GALNT13: variants seen among roughly 807,000 people sequenced by gnomAD.
GALNT13 encodes the protein UDP-GalNAc:polypeptide N-acetylgalactosaminyltransferase 13.
Under a neutral mutation model 64.2 loss-of-function variants are expected in GALNT13, and 28 were observed. The observed-to-expected ratio is 0.44, with a 90% CI of 0.32 to 0.60. GALNT13 has a LOEUF of 0.60. Ranked by LOEUF, GALNT13 falls within the 20% of genes least tolerant of loss-of-function variation. The probability of loss-of-function intolerance (pLI) is 0.05; values close to 1 mark genes in which losing one functional copy is unlikely to be tolerated. For synonymous variants in GALNT13, 214 were observed against 224.6 expected (o/e 0.95, Z 0.42); for missense variants, 577 against 669.8 (o/e 0.86, Z 1.53).
chr2:153,269,766 A>G, the GALNT13 span, among the ~76,000 whole-genome samples: 3 of 152,176 alleles, frequency 2.0e-5, no homozygotes, highest in Non-Finnish European at 4.4e-5. Context: ...GCCTGAGGAA[A>G]CTTAAAATCA....
At chr2:154,035,076 A>G (rs1038239127) in intron 3 of GALNT13, among the ~76,000 whole-genome samples, 1 of 152,144 alleles carries the variant, frequency 6.6e-6, no homozygotes, top group African/African-American at 2.4e-5. Flanking sequence ...TCACTTGTAT[A>G]TTTATCACAG....
the GALNT13 span, among the ~76,000 whole-genome samples, chr2:153,789,983 C>T: frequency 6.6e-6 from 1 of 152,138 alleles, no homozygotes; most frequent in Admixed American, 6.6e-5. Context: ...GGCAGATTCA[C>T]AGCCAACTTC....
the GALNT13 span, among the ~76,000 whole-genome samples, chr2:153,842,497 CAAA>C: frequency 6.6e-6 from 1 of 152,070 alleles, no homozygotes; most frequent in East Asian, 1.9e-4. Flanking sequence ...CAGTCTCTTA[CAAA>C]AGACTAAAAA....
At chr2:153,260,730 A>T in the GALNT13 span, among the ~76,000 whole-genome samples, 1 of 152,078 alleles carries the variant, frequency 6.6e-6, no homozygotes, top group South Asian at 2.1e-4. Context: ...GAATATTGAT[A>T]TCTGTCTCTA....
the GALNT13 span, among the ~76,000 whole-genome samples, chr2:153,213,630 A>G: frequency 6.6e-6 from 1 of 152,186 alleles, no homozygotes; most frequent in Non-Finnish European, 1.5e-5. Flanking sequence ...TATATTGGAA[A>G]GAGCTTCTTT....
At chr2:153,820,925 G>A in the GALNT13 span, among the ~76,000 whole-genome samples, 619 of 151,962 alleles carry the variant, frequency 4.1e-3, 8 homozygotes, top group East Asian at 0.04. Context: ...GTAGTAGTCA[G>A]ATAAAAAAAC....
At position 154,147,112 on chromosome 2, in the gene GALNT13, A is replaced by G. The variant is rs1362580733; in HGVS notation, c.311+6607A>G. 2.6e-5 allele frequency among the ~76,000 whole-genome samples: 4 copies of G among 152,124 alleles called. No individual in the cohort carries two copies. In the East Asian group the frequency reaches 5.8e-4, roughly 22 times the overall value. On this transcript the variant is annotated intron_variant, in intron 4 of 12. Transcript: ENST00000392825. ...GTGAATTTACATTGTTGTGCAATGA[A>G]TCTTTAGCATTATTTTCATTTTGTA...
the GALNT13 span, among the ~76,000 whole-genome samples, chr2:153,111,700 G>C: frequency 2.6e-5 from 4 of 152,142 alleles, no homozygotes; most frequent in East Asian, 7.7e-4. Flanking sequence ...CTCTCTAAAA[G>C]TAAGTAATTT....
intron 7 of GALNT13, among the ~76,000 whole-genome samples, chr2:154,256,335 G>A (rs547511957): frequency 4.6e-5 from 7 of 152,298 alleles, no homozygotes; most frequent in African/African-American, 7.2e-5. Context: ...GTGTTTTGCT[G>A]ACATGGCAGA....
At chr2:153,122,555 A>G in the GALNT13 span, among the ~76,000 whole-genome samples, 1 of 152,032 alleles carries the variant, frequency 6.6e-6, no homozygotes, top group Non-Finnish European at 1.5e-5. Flanking sequence ...CCTCACCTAC[A>G]TTTTCTGATT....
chr2:153,194,458 T>C, the GALNT13 span, among the ~76,000 whole-genome samples: 12 of 152,342 alleles, frequency 7.9e-5, 1 homozygote, highest in South Asian at 2.5e-3. Context: ...TTTTTTATGA[T>C]ATCTTTCTCT....
the GALNT13 span, among the ~76,000 whole-genome samples, chr2:153,200,098 A>G: frequency 6.6e-6 from 1 of 152,178 alleles, no homozygotes; most frequent in African/African-American, 2.4e-5. Context: ...GAGAAACAAA[A>G]AAGAGGACTT....
the GALNT13 span, among the ~76,000 whole-genome samples, chr2:153,220,625 C>T: frequency 0.01 from 1,587 of 152,304 alleles, 27 homozygotes; most frequent in African/African-American, 0.035. Flanking sequence ...CAAGGTCAGA[C>T]GGGGCACTTG....
chr2:153,127,188 T>A, the GALNT13 span, among the ~76,000 whole-genome samples: 1 of 152,214 alleles, frequency 6.6e-6, no homozygotes, highest in Non-Finnish European at 1.5e-5. Flanking sequence ...CAATACATTA[T>A]AAATCAATAA....
chr2:154,170,273 C>A lies in GALNT13; in HGVS notation c.311+29768C>A, dbSNP rs141492688. Among the ~76,000 whole-genome samples, 19 of 152,242 alleles carry A rather than the reference C, an allele frequency of 1.2e-4. No homozygotes were observed. In the East Asian group the frequency reaches 3.7e-3, roughly 29 times the overall value. On this transcript the variant is annotated intron_variant, in intron 4 of 12. Transcript: ENST00000392825. ...CTTACTCAGTCCACTGAGTCAAATG[C>A]TAATTTCTTCCAGAAACACCCTCAC...
At chr2:153,935,233 C>T (rs1690819994) in intron 2 of GALNT13, among the ~76,000 whole-genome samples, 1 of 152,126 alleles carries the variant, frequency 6.6e-6, no homozygotes, top group South Asian at 2.1e-4. Flanking sequence ...TTATCCAGCA[C>T]AACTGACACA....
chr2:153,095,354 A>C, the GALNT13 span, among the ~76,000 whole-genome samples: 1,238 of 152,338 alleles, frequency 8.1e-3, 25 homozygotes, highest in African/African-American at 0.029. Context: ...ATCTCATACC[A>C]GTTAGAATGG....
chr2:153,205,573 T>C, the GALNT13 span, among the ~76,000 whole-genome samples: 1 of 152,122 alleles, frequency 6.6e-6, no homozygotes, highest in African/African-American at 2.4e-5. Flanking sequence ...TCTTCCCTCA[T>C]TTCAATTAAA....
the GALNT13 span, among the ~76,000 whole-genome samples, chr2:153,699,896 G>A: frequency 4.0e-3 from 611 of 152,178 alleles, 6 homozygotes; most frequent in African/African-American, 0.014. Context: ...ATTCACAGCC[G>A]AATTCTACCA....
Sources: allele counts gnomAD v4.1 joint callset (sites outside exome capture counted in the v4.1 genomes callset), GRCh38; gene constraint gnomAD v4.1.1; transcripts MANE v1.5; gene names NCBI Gene and HGNC (gene_info 2026-07-23, HGNC 2026-07-21).